CFAP221: variants seen among roughly 807,000 people sequenced by gnomAD.
The protein encoded by CFAP221 is cilia- and flagella-associated protein 221.
A neutral mutation model predicts 113.1 loss-of-function variants in CFAP221; 97 were observed. The observed-to-expected ratio is 0.86, with a 90% CI of 0.73 to 1.02. The LOEUF (loss-of-function observed/expected upper bound fraction) is 1.02. Among genes scored for constraint, CFAP221 ranks in the 50% least tolerant of loss-of-function variants. The pLI, the probability that CFAP221 is intolerant of heterozygous loss-of-function variation, is 0.00. For synonymous variants in CFAP221, 331 were observed against 354.4 expected, an observed-to-expected ratio of 0.93 and a Z score of 0.74; for missense variants, 1,025 against 1,013.4, an observed-to-expected ratio of 1.01 and a Z score of -0.16.
Position 119,652,830 on chromosome 2 carries a change from TTTATA to T in CFAP221, c.2414+766_2414+770del, listed in dbSNP as rs1237935983. On this transcript the variant is annotated intron_variant, in intron 23 of 23. Coordinates refer to ENST00000413369, the MANE Select transcript of CFAP221 (RefSeq NM_001271049.2). ...TTATTCTTTTTCTTTGAAAAATGCC[TTTATA>T]TTATGTTAAAAATTAGAAAATATAA... Among the ~76,000 whole-genome samples, 4 of 151,532 alleles carry T rather than the reference TTTATA, an allele frequency of 2.6e-5. No individual in the cohort carries two copies. The East Asian group carries it at 7.7e-4, about 29-fold the overall frequency.
intron 6 of CFAP221, among the ~76,000 whole-genome samples, chr2:119,581,706 G>C (rs1456166940): frequency 1.3e-5 from 2 of 152,190 alleles, no homozygotes; most frequent in Non-Finnish European, 2.9e-5. Flanking sequence ...GATTTGGTAA[G>C]TGCATTCAAA....
rs374610270 is a variant in CFAP221, at chr2:119,630,586, A to C, written c.1748A>C (p.Lys583Thr). 67 of 1,611,920 alleles carry C rather than the reference A, an allele frequency of 4.2e-5. No homozygotes were observed. Among genetic ancestry groups the C allele is most frequent in the Non-Finnish European group, 5.3e-5 (62 of 1,178,050 alleles). ...FFNLQVPQLY[K>T]IKRYQPFSVH... ...CACCTTCAGGTTCCTCAACTGTACA[A>C]AATTAAGAGATATCAGCCATTCTCT... The change falls in exon 18 of 24, where the codon AAA becomes ACA. Residue 583 changes from lysine to threonine, a missense_variant. Coordinates refer to ENST00000413369, the MANE Select transcript of CFAP221 (RefSeq NM_001271049.2).
chr2:119,636,156 G>A (rs184666444), intron 19 of CFAP221, among the ~76,000 whole-genome samples: 7 of 152,230 alleles, frequency 4.6e-5, no homozygotes, highest in Admixed American at 2.0e-4. Flanking sequence ...AGCCAAACCC[G>A]TAATCCAAGC....
intron 6 of CFAP221, among the ~76,000 whole-genome samples, chr2:119,566,400 A>C (rs1335961458): frequency 6.6e-6 from 1 of 152,076 alleles, no homozygotes; most frequent in Admixed American, 6.5e-5. Context: ...ATGAGAAGCT[A>C]TCTCCTTAAA....
chr2:119,575,666 G>A (rs986936600), intron 6 of CFAP221, among the ~76,000 whole-genome samples: 3 of 152,178 alleles, frequency 2.0e-5, no homozygotes, highest in African/African-American at 7.2e-5. Flanking sequence ...TGGGCAGACA[G>A]TGGTAATAGT....
chr2:119,624,086 T>G (rs1686124731), intron 14 of CFAP221, among the ~76,000 whole-genome samples: 1 of 152,162 alleles, frequency 6.6e-6, no homozygotes, highest in Admixed American at 6.5e-5. Flanking sequence ...ACAGGCAACC[T>G]ATAGAATGGG....
chr2:119,647,911 A>G (rs1687909617), intron 22 of CFAP221, among the ~76,000 whole-genome samples: 1 of 152,114 alleles, frequency 6.6e-6, no homozygotes, highest in South Asian at 2.1e-4. Flanking sequence ...AGCACCCGAA[A>G]TGTTGTATAG....
chr2:119,615,495 A>G (rs1685459733), intron 13 of CFAP221, 116 bp from the exon 14 acceptor site: 1 of 768,090 alleles, frequency 1.3e-6, no homozygotes, highest in Non-Finnish European at 2.1e-6. Flanking sequence ...TCACTAAGCA[A>G]TACAACAAAT....
At chr2:119,547,330 C>T (rs1307589723) in intron 2 of CFAP221, among the ~76,000 whole-genome samples, 7 of 152,124 alleles carry the variant, frequency 4.6e-5, no homozygotes, top group South Asian at 2.1e-4. Flanking sequence ...GAGGCCAAGG[C>T]GGTTGGATCA....
chr2:119,647,121 G>A, intron 22 of CFAP221, 71 bp downstream of exon 22: 1 of 1,238,250 alleles, frequency 8.1e-7, no homozygotes, highest in East Asian at 2.4e-5. Flanking sequence ...GGTGCTGTGA[G>A]GAACTTCAGA....
intron 12 of CFAP221, among the ~76,000 whole-genome samples, chr2:119,611,149 C>T (rs1182371175): frequency 4.6e-5 from 7 of 152,074 alleles, no homozygotes; most frequent in Admixed American, 3.9e-4. Flanking sequence ...CCTGGATAAT[C>T]GACTCTGAGG....
At position 119,630,615 on chromosome 2, in the gene CFAP221, C is replaced by T. The variant is rs781138969; in HGVS notation, c.1777C>T (p.His593Tyr). The change falls in exon 18 of 24, where the codon CAC (histidine) becomes TAC (tyrosine). Residue 593 changes from histidine (H) to tyrosine (Y), a missense_variant. Transcript: ENST00000413369. ...KIKRYQPFSVHKSSTSYRPQK... is the reference protein window; with the variant it reads ...KIKRYQPFSVYKSSTSYRPQK... Reference sequence around the variant, plus strand: ...TAAGAGATATCAGCCATTCTCTGTCCACAAGTCTTCAACAAGTTACAGACC... The same window carrying T: ...TAAGAGATATCAGCCATTCTCTGTCTACAAGTCTTCAACAAGTTACAGACC... 7.4e-6 allele frequency: 12 copies of T among 1,613,850 alleles called. No individual in the cohort carries two copies. The highest frequency in any genetic ancestry group is 1.6e-4 in the Middle Eastern group (1 of 6,084).
rs1223841081 is a variant in CFAP221, at chr2:119,601,083, T to TA, written c.632-135_632-134insA. On this transcript the variant is annotated intron_variant, in intron 7 of 23. Transcript: ENST00000413369. ...GGGAAGCCAAAAGTTATGTGTGGATTTTCAATTGTGTGGGGAGTCAGTGCC... is the reference window on the plus strand; with the variant it reads ...GGGAAGCCAAAAGTTATGTGTGGATTATTCAATTGTGTGGGGAGTCAGTGCC... The TA allele has an allele frequency of 4.7e-5, 42 of 894,698 alleles. No homozygotes were observed. The Admixed American group carries it at 5.2e-4, about 11-fold the overall frequency. The allele number at this position is 894,698 out of a possible 1,614,324, so 55.4% of individuals were successfully genotyped here.
chr2:119,620,254 C>T (rs1342376877), intron 14 of CFAP221, among the ~76,000 whole-genome samples: 2 of 152,136 alleles, frequency 1.3e-5, no homozygotes, highest in Non-Finnish European at 2.9e-5. Context: ...CACAAAGATA[C>T]TCCTCGAGAA....
chr2:119,599,141 T>C lies in CFAP221; in HGVS notation c.632-2077T>C, dbSNP rs545776985. ...ATTCTAAGGTCACTAGTGGGTATCA[T>C]TGAAAGAGTTTGACTTCTGCTCTCA... On this transcript the variant is annotated intron_variant, in intron 7 of 23. Transcript: ENST00000413369. Among the ~76,000 whole-genome samples the C allele has an allele frequency of 1.4e-4, 22 of 152,264 alleles. No homozygotes were observed. The East Asian group carries it at 3.3e-3, about 23-fold the overall frequency.
At chr2:119,569,476 T>C (rs1434633839) in intron 6 of CFAP221, among the ~76,000 whole-genome samples, 1 of 152,120 alleles carries the variant, frequency 6.6e-6, no homozygotes, top group Admixed American at 6.6e-5. Flanking sequence ...TATGCCTAAG[T>C]GTAGGGTTTT....
chr2:119,659,155 AT>A (rs1191624559), downstream of CFAP221, among the ~76,000 whole-genome samples: 2 of 152,086 alleles, frequency 1.3e-5, no homozygotes, highest in Non-Finnish European at 2.9e-5. Flanking sequence ...GTATTACCTT[AT>A]GTGTTGCTTG....
chr2:119,629,014 C>T (rs982262929), intron 16 of CFAP221, among the ~76,000 whole-genome samples: 4 of 152,114 alleles, frequency 2.6e-5, no homozygotes, highest in Non-Finnish European at 5.9e-5. Flanking sequence ...AAAAATAGAG[C>T]GCTCAGCATT....
At chr2:119,545,650 G>A (rs1008792282) in intron 1 of CFAP221, among the ~76,000 whole-genome samples, 1 of 152,178 alleles carries the variant, frequency 6.6e-6, no homozygotes, top group African/African-American at 2.4e-5. Flanking sequence ...AATGTTAAAG[G>A]CTTCCATAGT....
Sources: allele counts gnomAD v4.1 joint callset (sites outside exome capture counted in the v4.1 genomes callset), GRCh38; gene constraint gnomAD v4.1.1; transcripts MANE v1.5; gene names NCBI Gene and HGNC (gene_info 2026-07-23, HGNC 2026-07-21).